Variants in AGBL4 observed in about 807,000 individuals in gnomAD.
The protein encoded by AGBL4 is cytosolic carboxypeptidase 6.
AGBL4 carries 58 observed loss-of-function variants against 66.4 expected under a neutral mutation model. The ratio of observed to expected loss-of-function variants is 0.87; its 90% CI spans 0.71 to 1.09. AGBL4 has a LOEUF of 1.09. Among genes scored for constraint, AGBL4 ranks in the 50% least tolerant of loss-of-function variants. The pLI, the probability that AGBL4 is intolerant of heterozygous loss-of-function variation, is 0.00. For synonymous variants in AGBL4, 234 were observed against 222.9 expected, an observed-to-expected ratio of 1.05 and a Z score of -0.44; for missense variants, 579 against 631.0, an observed-to-expected ratio of 0.92 and a Z score of 0.88.
At chr1:49,285,657 C>A (rs1257454436) in intron 3 of AGBL4, among the ~76,000 whole-genome samples, 2 of 152,082 alleles carry the variant, frequency 1.3e-5, no homozygotes, top group African/African-American at 4.8e-5. Flanking sequence ...AGAGAAGAAT[C>A]AAATAGAACA....
intron 5 of AGBL4, among the ~76,000 whole-genome samples, chr1:48,978,702 T>C (rs949838413): frequency 1.3e-5 from 2 of 152,198 alleles, no homozygotes; most frequent in African/African-American, 4.8e-5. Context: ...ATTTTCCATA[T>C]ACTAAGCCCT....
chr1:48,867,296 C>T (rs935438817), intron 5 of AGBL4, 66 bp from the exon 6 acceptor site: 88 of 1,523,878 alleles, frequency 5.8e-5, no homozygotes, highest in Non-Finnish European at 7.1e-5. Context: ...CTTAGCAGGT[C>T]AGGGCGGACA....
intron 3 of AGBL4, among the ~76,000 whole-genome samples, chr1:49,582,100 G>C (rs547071455): frequency 1.3e-5 from 2 of 152,244 alleles, no homozygotes; most frequent in East Asian, 3.9e-4. Flanking sequence ...AAGTCCTTAG[G>C]TGTCCTACGC....
intron 3 of AGBL4, among the ~76,000 whole-genome samples, chr1:49,338,678 GA>G (rs778952640): frequency 3.3e-5 from 5 of 152,172 alleles, no homozygotes; most frequent in African/African-American, 4.8e-5. Flanking sequence ...ATAGTACCAG[GA>G]AGCAAGGAAC....
At chr1:48,546,742 T>C (rs1329689183) in intron 11 of AGBL4, among the ~76,000 whole-genome samples, 1 of 152,108 alleles carries the variant, frequency 6.6e-6, no homozygotes, top group Non-Finnish European at 1.5e-5. Context: ...ACTATGTTTA[T>C]TATGTTCAGG....
At chr1:48,682,282 A>C (rs904917869) in intron 6 of AGBL4, among the ~76,000 whole-genome samples, 6 of 152,246 alleles carry the variant, frequency 3.9e-5, no homozygotes, top group Admixed American at 6.5e-5. Context: ...ACAGAGGGCC[A>C]GGGACTTAGG....
chr1:48,546,864 A>AACAAACACACAC (rs767539394), intron 11 of AGBL4, among the ~76,000 whole-genome samples: 1 of 128,298 alleles, frequency 7.8e-6, no homozygotes, highest in South Asian at 2.6e-4. Flanking sequence ...AAAACAAACA[A>AACAAACACACAC]ACACACACAC....
At chr1:49,284,469 G>A (rs1345420411) in intron 3 of AGBL4, among the ~76,000 whole-genome samples, 3 of 151,378 alleles carry the variant, frequency 2.0e-5, no homozygotes, top group South Asian at 2.1e-4. Context: ...ATCAACTAAC[G>A]AGCAAAATCA....
At chr1:49,283,825 A>G (rs1442052631) in intron 3 of AGBL4, among the ~76,000 whole-genome samples, 2 of 146,714 alleles carry the variant, frequency 1.4e-5, no homozygotes, top group African/African-American at 5.1e-5. Context: ...GAGAAAAAAG[A>G]ATAAAAAGAA....
chr1:48,841,702 G>A (rs1019249182), intron 6 of AGBL4, among the ~76,000 whole-genome samples: 6 of 152,036 alleles, frequency 3.9e-5, no homozygotes, highest in South Asian at 2.1e-4. Flanking sequence ...AACTACTACA[G>A]ATGTTGCAGT....
chr1:49,227,229 G>C (rs1649981615), intron 4 of AGBL4, among the ~76,000 whole-genome samples: 3 of 151,988 alleles, frequency 2.0e-5, no homozygotes, highest in Admixed American at 2.0e-4. Context: ...TTTATAATAA[G>C]AACAAAATCT....
intron 1 of AGBL4, among the ~76,000 whole-genome samples, chr1:49,930,560 C>T (rs1035542066): frequency 2.6e-5 from 4 of 152,014 alleles, no homozygotes; most frequent in African/African-American, 7.2e-5. Flanking sequence ...AATCCCACTA[C>T]ACAAAAAAAC....
intron 2 of AGBL4, among the ~76,000 whole-genome samples, chr1:49,827,009 C>T (rs938491307): frequency 3.9e-5 from 6 of 152,012 alleles, no homozygotes; most frequent in African/African-American, 1.4e-4. Flanking sequence ...AAGAGAGTAT[C>T]ATAATTAACG....
At chr1:49,293,241 C>T (rs373702316) in intron 3 of AGBL4, among the ~76,000 whole-genome samples, 1 of 152,174 alleles carries the variant, frequency 6.6e-6, no homozygotes, top group African/African-American at 2.4e-5. Flanking sequence ...GTGCAGTGGT[C>T]GGACTCCATG....
At chr1:49,126,660 A>G (rs1320475868) in intron 4 of AGBL4, among the ~76,000 whole-genome samples, 1 of 152,170 alleles carries the variant, frequency 6.6e-6, no homozygotes, top group East Asian at 1.9e-4. Context: ...AAGATTCTGC[A>G]CTGTATAATC....
At chr1:49,586,053 A>T (rs1202332875) in intron 3 of AGBL4, among the ~76,000 whole-genome samples, 1 of 152,134 alleles carries the variant, frequency 6.6e-6, no homozygotes, top group African/African-American at 2.4e-5. Flanking sequence ...TGAATTGCTT[A>T]TTTTTGCTTA....
Position 48,634,615 on chromosome 1 carries a change from C to T in AGBL4, c.840-11G>A, listed in dbSNP as rs777245097. On this transcript the variant is annotated splice_polypyrimidine_tract_variant and intron_variant, in intron 8 of 13. Coordinates refer to ENST00000371839, the MANE Select transcript of AGBL4 (RefSeq NM_032785.4). ...CCCATCAGAGAACACCTAGGCAGTACCCAAAGTAAGAGTCAATATAGACAG... is the reference window on the plus strand; with the variant it reads ...CCCATCAGAGAACACCTAGGCAGTATCCAAAGTAAGAGTCAATATAGACAG... The T allele has an allele frequency of 2.5e-6, 4 of 1,573,724 alleles. No homozygotes were observed. In the African/African-American group the frequency reaches 4.0e-5, roughly 16 times the overall value.
At chr1:48,684,833 C>T (rs1646506828) in intron 6 of AGBL4, among the ~76,000 whole-genome samples, 1 of 152,128 alleles carries the variant, frequency 6.6e-6, no homozygotes, top group Non-Finnish European at 1.5e-5. Context: ...TATAGGAAAT[C>T]TAACTAGGGC....
At chr1:48,834,217 C>T (rs1646624839) in intron 6 of AGBL4, among the ~76,000 whole-genome samples, 1 of 152,036 alleles carries the variant, frequency 6.6e-6, no homozygotes, top group African/African-American at 2.4e-5. Context: ...TGAATTTTGC[C>T]TAAGGATAAA....
Sources: allele counts gnomAD v4.1 joint callset (sites outside exome capture counted in the v4.1 genomes callset), GRCh38; gene constraint gnomAD v4.1.1; transcripts MANE v1.5; gene names NCBI Gene and HGNC (gene_info 2026-07-23, HGNC 2026-07-21).